Variants in CEP85L observed in about 807,000 individuals in gnomAD.
The protein encoded by CEP85L is centrosomal protein of 85 kDa-like.
In CEP85L, 60 loss-of-function variants were observed where a neutral mutation model predicts 100.3. That is an observed-to-expected ratio of 0.60 (90% CI 0.49 to 0.74). The LOEUF (loss-of-function observed/expected upper bound fraction) is 0.74, where lower values mean the gene tolerates loss of function less well. Among genes scored for constraint, CEP85L ranks in the 30% least tolerant of loss-of-function variants. The pLI, the probability that CEP85L is intolerant of heterozygous loss-of-function variation, is 0.00. For synonymous variants in CEP85L, 319 were observed against 322.7 expected, an observed-to-expected ratio of 0.99 and a Z score of 0.12; for missense variants, 973 against 936.2, an observed-to-expected ratio of 1.04 and a Z score of -0.51.
intron 3 of CEP85L, among the ~76,000 whole-genome samples, chr6:118,556,952 C>A (rs776879649): frequency 2.0e-5 from 3 of 152,082 alleles, no homozygotes; most frequent in Non-Finnish European, 2.9e-5. Context: ...ATAGGCCCCA[C>A]AGGCAGCAAT....
In CEP85L at chr6:118,566,006, A is replaced by C. The variant is rs760776874; in HGVS notation, c.543T>G (p.Asn181Lys). 1 of 1,614,114 alleles carries C rather than the reference A, an allele frequency of 6.2e-7. No homozygotes were observed. Among genetic ancestry groups the C allele is most frequent in the South Asian group, 1.1e-5 (1 of 91,074 alleles). Residue 181 changes from asparagine (N) to lysine (K), a missense_variant, in exon 3 of 13, where the codon AAT (asparagine) becomes AAG (lysine). Around this residue, in one of 3 missense-constraint regions of CEP85L, gnomAD observed 890 missense variants for 844.5 expected, o/e 1.05. Transcript: ENST00000368491. Reference sequence around the variant, plus strand: ...TAGCCTTCCCTATCTTCTCCAAACCATTCCTTGACTCTTCTCTGCATACAG... The same window carrying C: ...TAGCCTTCCCTATCTTCTCCAAACCCTTCCTTGACTCTTCTCTGCATACAG... Reference protein sequence around the residue: ...GGTVCREESRNGLEKIGKAKA... With the variant: ...GGTVCREESRKGLEKIGKAKA...
At chr6:118,558,845 T>C in intron 3 of CEP85L, 1 of 965,730 alleles carries the variant, frequency 1.0e-6, no homozygotes, top group South Asian at 1.3e-5. Context: ...AGAAGACAGT[T>C]ATCTCATATT....
rs768014159 is a variant in CEP85L, at chr6:118,566,254, T to C, written c.295A>G (p.Thr99Ala). The part of the protein sequence containing the change: ...KPSQSLITLP[T>A]AHVMPSNSSA... The stretch of plus-strand genomic sequence containing the variant: ...GAATTAGACGGCATCACATGGGCAG[T>C]AGGAAGAGTAATCAATGATTGACTA... The change falls in exon 3 of 13, where the codon ACT becomes GCT. Residue 99 changes from threonine to alanine, a missense_variant. By Grantham distance (58) the Thr-to-Ala change is moderately conservative. Around this residue, in one of 3 missense-constraint regions of CEP85L, gnomAD observed 890 missense variants for 844.5 expected, o/e 1.05. Coordinates refer to ENST00000368491, the MANE Select transcript of CEP85L (RefSeq NM_001042475.3). 1.4e-5 allele frequency: 22 copies of C among 1,613,930 alleles called. No homozygotes were observed. Among genetic ancestry groups the C allele is most frequent in the Non-Finnish European group, 1.9e-5 (22 of 1,179,944 alleles).
At chr6:118,489,984 T>TAC (rs377195681) in intron 6 of CEP85L, among the ~76,000 whole-genome samples, 5 of 150,600 alleles carry the variant, frequency 3.3e-5, no homozygotes, top group East Asian at 1.9e-4. Context: ...TGTATATATA[T>TAC]ACACACACAC....
intron 1 of CEP85L, among the ~76,000 whole-genome samples, chr6:118,681,505 AT>A (rs1776657958): frequency 6.6e-6 from 1 of 152,160 alleles, no homozygotes; most frequent in African/African-American, 2.4e-5. Context: ...CCTCATGTTA[AT>A]TTTGAAGAAC....
chr6:118,612,530 C>T (rs192013752), intron 2 of CEP85L, among the ~76,000 whole-genome samples: 119 of 150,070 alleles, frequency 7.9e-4, no homozygotes, highest in African/African-American at 2.5e-3. Flanking sequence ...GGCATGGTGA[C>T]GGGTGCCTGT....
chr6:118,620,937 C>A (rs914126346), intron 2 of CEP85L, among the ~76,000 whole-genome samples: 1 of 152,196 alleles, frequency 6.6e-6, no homozygotes, highest in Non-Finnish European at 1.5e-5. Flanking sequence ...GAGCTATTAA[C>A]TACACGAATA....
chr6:118,640,133 A>G (rs1774766192), intron 1 of CEP85L, among the ~76,000 whole-genome samples: 1 of 152,196 alleles, frequency 6.6e-6, no homozygotes, highest in Non-Finnish European at 1.5e-5. Flanking sequence ...GTAAGAAAAA[A>G]ACGTTCATAT....
chr6:118,513,722 A>ATC, intron 4 of CEP85L, among the ~76,000 whole-genome samples: 1 of 152,242 alleles, frequency 6.6e-6, no homozygotes, highest in South Asian at 2.1e-4. Context: ...AAGCTGAAAG[A>ATC]ATTGATCACC....
At chr6:118,535,473 C>T (rs1468829360) in intron 3 of CEP85L, among the ~76,000 whole-genome samples, 1 of 152,198 alleles carries the variant, frequency 6.6e-6, no homozygotes, top group Admixed American at 6.5e-5. Flanking sequence ...CGCAGTTTCA[C>T]TTTCTCTGGT....
At chr6:118,546,452 GATCT>G (rs1259803330) in intron 3 of CEP85L, among the ~76,000 whole-genome samples, 31 of 152,084 alleles carry the variant, frequency 2.0e-4, no homozygotes, top group Admixed American at 2.0e-3. Context: ...TCAGAACAAT[GATCT>G]ATCACCTAAA....
chr6:118,527,062 C>G (rs1777016311), intron 3 of CEP85L, among the ~76,000 whole-genome samples: 2 of 132,466 alleles, frequency 1.5e-5, no homozygotes, highest in South Asian at 4.9e-4. Context: ...GTTGCCCAGG[C>G]TGGAGTGCGA....
intron 3 of CEP85L, among the ~76,000 whole-genome samples, chr6:118,525,532 T>C (rs1776915968): frequency 6.6e-6 from 1 of 152,170 alleles, no homozygotes; most frequent in South Asian, 2.1e-4. Flanking sequence ...AGGAAGACTA[T>C]GTGAAGAGAC....
chr6:118,473,630 C>T (rs1055095914), intron 10 of CEP85L, among the ~76,000 whole-genome samples: 3 of 151,878 alleles, frequency 2.0e-5, no homozygotes, highest in Admixed American at 2.0e-4. Context: ...GATTTTTGTT[C>T]AAAAGGATCA....
chr6:118,608,240 G>T lies in CEP85L; in HGVS notation c.232+24213C>A, dbSNP rs576516309. Among the ~76,000 whole-genome samples the T allele has an allele frequency of 1.6e-3, 250 of 152,226 alleles. 1 individual carries two copies. Among genetic ancestry groups the T allele is most frequent in the South Asian group, 4.1e-3 (20 of 4,824 alleles). ...GCTGGGCACGGTGGCTCACACCTGTGATCCCAGCACTTTAGGAGGCCGAGG... is the reference window on the plus strand; with the variant it reads ...GCTGGGCACGGTGGCTCACACCTGTTATCCCAGCACTTTAGGAGGCCGAGG... On this transcript the variant is annotated intron_variant, in intron 2 of 12. Transcript: ENST00000368491.
chr6:118,609,043 G>A (rs973315912), intron 2 of CEP85L, among the ~76,000 whole-genome samples: 4 of 152,178 alleles, frequency 2.6e-5, no homozygotes, highest in African/African-American at 7.2e-5. Flanking sequence ...ATTAGACTAT[G>A]TGAATCATTT....
At chr6:118,508,778 T>C (rs1775803397) in intron 5 of CEP85L, among the ~76,000 whole-genome samples, 1 of 152,206 alleles carries the variant, frequency 6.6e-6, no homozygotes, top group African/African-American at 2.4e-5. Context: ...TTTCTTTGTC[T>C]AGTGTCTATA....
chr6:118,548,772 T>A (rs1165659216), intron 3 of CEP85L, among the ~76,000 whole-genome samples: 1 of 152,090 alleles, frequency 6.6e-6, no homozygotes, highest in Non-Finnish European at 1.5e-5. Context: ...TTAATTTTGT[T>A]ATTTATTGCT....
chr6:118,545,445 G>A (rs550602024), intron 3 of CEP85L, among the ~76,000 whole-genome samples: 12 of 152,248 alleles, frequency 7.9e-5, no homozygotes, highest in Non-Finnish European at 1.5e-4. Context: ...AAAGTTAGCT[G>A]GGCGTGGTGG....
Sources: allele counts gnomAD v4.1 joint callset (sites outside exome capture counted in the v4.1 genomes callset), GRCh38; gene constraint gnomAD v4.1.1; regional missense constraint gnomAD v4.1.1; transcripts MANE v1.5; gene names NCBI Gene and HGNC (gene_info 2026-07-23, HGNC 2026-07-21).